NPM1: variants seen among roughly 807,000 people sequenced by gnomAD.
NPM1 encodes nucleophosmin 1, also known as nucleophosmin.
A neutral mutation model predicts 44.1 loss-of-function variants in NPM1; 1 was observed. The observed-to-expected ratio is 0.02, with a 90% CI of 0.01 to 0.11. NPM1 has a LOEUF of 0.11. NPM1 is among the 10% of genes least tolerant of loss of function. NPM1 has a pLI of 1.00. For synonymous variants in NPM1, 126 were observed against 111.8 expected, an observed-to-expected ratio of 1.13 and a Z score of -0.80; for missense variants, 197 against 347.8, an observed-to-expected ratio of 0.57 and a Z score of 3.45.
rs1455553812 is a variant in NPM1, at chr5:171,403,952, G to A, written c.670-1350G>A. Among the ~76,000 whole-genome samples, 505 of 79,546 alleles carry A rather than the reference G, an allele frequency of 6.3e-3. 31 individuals carry two copies. Among genetic ancestry groups the A allele is most frequent in the Non-Finnish European group, 9.7e-3 (372 of 38,220 alleles). The allele number at this position is 79,546 out of a possible 152,430, so 52.2% of individuals were successfully genotyped here. A position where few individuals can be genotyped will look rare whatever the true frequency, so the allele number is the denominator to read the frequency against. On this transcript the variant is annotated intron_variant, in intron 8 of 10. Coordinates refer to ENST00000296930, the MANE Select transcript of NPM1 (RefSeq NM_002520.7). ...CCCTCCCGGACGGGGCGGCTGGCCG[G>A]GTGGGGGGGCTGACCCCCCCATCTC...
intron 6 of NPM1, 74 bp downstream of exon 6, chr5:171,393,052 A>C: frequency 6.6e-7 from 1 of 1,521,338 alleles, no homozygotes; most frequent in East Asian, 2.4e-5. Context: ...AGTTATATGC[A>C]TGAGGGTTTT....
chr5:171,392,155 A>G (rs1349733844), intron 4 of NPM1, among the ~76,000 whole-genome samples: 2 of 152,092 alleles, frequency 1.3e-5, no homozygotes, highest in African/African-American at 4.8e-5. Context: ...GGCCAGGCCG[A>G]TCTTGAACTC....
chr5:171,406,897 A>C (rs1771602556), intron 9 of NPM1: 1 of 183,318 alleles, frequency 5.5e-6, no homozygotes, highest in Non-Finnish European at 1.1e-5. Flanking sequence ...CTTAGAGGGA[A>C]AGGTATTAAT....
At chr5:171,395,962 AATTT>A (rs1770860006) in intron 6 of NPM1, among the ~76,000 whole-genome samples, 1 of 133,440 alleles carries the variant, frequency 7.5e-6, no homozygotes, top group Non-Finnish European at 1.6e-5. Flanking sequence ...AGTAAAGCTG[AATTT>A]TTTTTTTTTT....
At chr5:171,392,848 A>ATTT (rs1331340094) in intron 5 of NPM1, 32 bp downstream of exon 5, 1 of 1,613,306 alleles carries the variant, frequency 6.2e-7, no homozygotes. Flanking sequence ...TAGGTTTTGT[A>ATTT]TTATAGCTTT....
intron 7 of NPM1, 29 bp downstream of exon 7, chr5:171,400,239 T>C: frequency 6.2e-7 from 1 of 1,612,954 alleles, no homozygotes; most frequent in Non-Finnish European, 8.5e-7. Flanking sequence ...ACAAGGTTGT[T>C]AAACTAACAA....
intron 9 of NPM1, 50 bp from the exon 10 acceptor site, chr5:171,407,650 C>G (rs768251981): frequency 1.9e-6 from 2 of 1,025,888 alleles, no homozygotes; most frequent in Admixed American, 3.5e-5. Context: ...AAAGGTATCT[C>G]TCTCGGTGTA....
intron 1 of NPM1, among the ~76,000 whole-genome samples, chr5:171,388,513 C>A (rs747913245): frequency 1.4e-4 from 21 of 145,122 alleles, no homozygotes; most frequent in Admixed American, 1.0e-3. Context: ...TCGCGTGCTT[C>A]GGCCAGTTAC....
At chr5:171,390,430 C>T (rs1450971344) in intron 2 of NPM1, among the ~76,000 whole-genome samples, 2 of 152,180 alleles carry the variant, frequency 1.3e-5, no homozygotes, top group Admixed American at 1.3e-4. Context: ...AGAGACTAGC[C>T]TTCTGCTCAA....
chr5:171,393,017 C>A, intron 6 of NPM1, 39 bp downstream of exon 6: 1 of 1,586,266 alleles, frequency 6.3e-7, no homozygotes, highest in Non-Finnish European at 8.6e-7. Context: ...CTTCCGGAAT[C>A]TTGACAAAAA....
At chr5:171,400,790 A>T in intron 7 of NPM1, 49 bp from the exon 8 acceptor site, 1 of 1,232,386 alleles carries the variant, frequency 8.1e-7, no homozygotes, top group Non-Finnish European at 1.2e-6. Context: ...CTTTGTTTGC[A>T]CTGTTGTTGG....
intron 10 of NPM1, 138 bp from the exon 11 acceptor site, chr5:171,410,388 AG>A: frequency 2.0e-6 from 1 of 493,786 alleles, no homozygotes; most frequent in Non-Finnish European, 3.5e-6. Flanking sequence ...ATTTTCTTGG[AG>A]TCATATCTTT....
intron 6 of NPM1, among the ~76,000 whole-genome samples, chr5:171,393,461 G>T (rs1561866335): frequency 6.6e-6 from 1 of 152,100 alleles, no homozygotes; most frequent in Admixed American, 6.6e-5. Context: ...ATTCTAAAAG[G>T]GATATTAAGA....
intron 9 of NPM1, chr5:171,406,595 C>CT (rs1227425588): frequency 2.8e-6 from 4 of 1,403,742 alleles, no homozygotes; most frequent in Non-Finnish European, 3.7e-6. Flanking sequence ...CCCTAAAGCA[C>CT]TTTCTTCTGA....
chr5:171,388,931 C>T (rs925989390), intron 1 of NPM1, among the ~76,000 whole-genome samples: 1 of 152,192 alleles, frequency 6.6e-6, no homozygotes, highest in African/African-American at 2.4e-5. Flanking sequence ...GTAGCTGCTG[C>T]TTCGTGAATA....
intron 6 of NPM1, among the ~76,000 whole-genome samples, chr5:171,398,831 A>T (rs1462382129): frequency 1.3e-5 from 2 of 152,224 alleles, no homozygotes; most frequent in African/African-American, 4.8e-5. Context: ...CTTAACATGT[A>T]AGAACAGTAC....
At chr5:171,397,315 T>C (rs1338497889) in intron 6 of NPM1, among the ~76,000 whole-genome samples, 2 of 152,244 alleles carry the variant, frequency 1.3e-5, no homozygotes, top group Non-Finnish European at 2.9e-5. Context: ...CTTCTACTTG[T>C]TGACTGCTAT....
chr5:171,401,996 G>C (rs745606842), intron 8 of NPM1, among the ~76,000 whole-genome samples: 1 of 151,102 alleles, frequency 6.6e-6, no homozygotes, highest in Admixed American at 6.6e-5. Context: ...TGGGGTGGGC[G>C]CCAGGCATCA....
In NPM1 at chr5:171,400,114, A is replaced by G. The variant is rs6555953; in HGVS notation, c.525-39A>G. ...TTTCAATTCTTGTGTCTACTCCCAA[A>G]TTTTGAAAGTGCTTAATGTCTTGAC... On this transcript the variant is annotated intron_variant, in intron 6 of 10. Transcript: ENST00000296930. 478,141 of 1,232,158 alleles carry G rather than the reference A, an allele frequency of 0.39. 95,114 individuals are homozygous for G. Among genetic ancestry groups the G allele is most frequent in the East Asian group, 0.55 (23,414 of 42,944 alleles). 76.3% of individuals were successfully genotyped at this position (1,232,158 alleles called of 1,614,324 possible).
Sources: gnomAD v4.1 joint callset for allele counts (sites outside exome capture counted in the v4.1 genomes callset) on GRCh38, gnomAD v4.1.1 for gene constraint, MANE v1.5 for transcripts, NCBI Gene and HGNC (gene_info 2026-07-23, HGNC 2026-07-21) for gene names.